The following TSHR variants were observed in gnomAD, a reference collection of about 807,000 sequenced individuals.
The protein encoded by TSHR is thyroid stimulating hormone receptor.
TSHR carries 51 observed loss-of-function variants against 64.1 expected under a neutral mutation model. The ratio of observed to expected loss-of-function variants is 0.80; its 90% CI spans 0.64 to 1.01. TSHR has a LOEUF of 1.01. Ranked by LOEUF, TSHR falls within the 50% of genes least tolerant of loss-of-function variation. The pLI is 0.00. For missense variants in TSHR, 877 were observed against 942.8 expected (o/e 0.93, Z 0.91); for synonymous variants, 361 against 361.9 (o/e 1.00, Z 0.03).
intron 1 of TSHR, chr14:80,993,114 A>G (rs1888829404): frequency 1.3e-5 from 2 of 152,218 alleles, no homozygotes; most frequent in South Asian, 2.1e-4. Context: ...GTCTTCAGTT[A>G]TTTGAAGGAG....
chr14:81,113,082 T>C (rs1424633459), intron 8 of TSHR, among the ~76,000 whole-genome samples: 1 of 152,140 alleles, frequency 6.6e-6, no homozygotes, highest in Admixed American at 6.5e-5. Flanking sequence ...ATGCCGGCTG[T>C]TGTGTTGAAA....
At chr14:80,970,984 G>A (rs987846990) in intron 1 of TSHR, among the ~76,000 whole-genome samples, 1 of 152,152 alleles carries the variant, frequency 6.6e-6, no homozygotes, top group Non-Finnish European at 1.5e-5. Flanking sequence ...ACAGGCACAT[G>A]CCACTACTGC....
At chr14:81,077,664 A>G (rs542740751) in intron 3 of TSHR, among the ~76,000 whole-genome samples, 1 of 152,266 alleles carries the variant, frequency 6.6e-6, no homozygotes, top group Admixed American at 6.5e-5. Flanking sequence ...TTTTAGTTGG[A>G]GTGTTTAATC....
At chr14:81,102,033 G>A (rs185660485) in intron 7 of TSHR, among the ~76,000 whole-genome samples, 23 of 152,090 alleles carry the variant, frequency 1.5e-4, no homozygotes, top group Admixed American at 1.3e-4. Flanking sequence ...TTAGCTGGGC[G>A]TGGTGGCGGG....
At chr14:81,088,052 C>G in intron 4 of TSHR, 24 bp downstream of exon 4, 1 of 1,577,974 alleles carries the variant, frequency 6.3e-7, no homozygotes. Flanking sequence ...CCTCTCCCAT[C>G]CTACTTTTCT....
chr14:81,079,937 TTTTGTTTGTTTG>T (rs36136362), intron 3 of TSHR, among the ~76,000 whole-genome samples: 27 of 149,768 alleles, frequency 1.8e-4, no homozygotes, highest in African/African-American at 5.7e-4. Flanking sequence ...AGTTTTTGGG[TTTTGTTTGTTTG>T]TTTGTTTGTT....
intron 8 of TSHR, among the ~76,000 whole-genome samples, chr14:81,123,365 A>G (rs1235237367): frequency 6.6e-6 from 1 of 152,228 alleles, no homozygotes; most frequent in Non-Finnish European, 1.5e-5. Flanking sequence ...TTTTGTCAAA[A>G]TCTCCATTAT....
Position 81,144,494 on chromosome 14 carries a change from G to A in TSHR, c.*141G>A, listed in dbSNP as rs1311953998. ...GATGTTTCAATGTTTCATGGGGCAA[G>A]AGTTTATCTCTGGAGAGTGATTAGT... On this transcript the variant is annotated 3_prime_UTR_variant, in exon 10 of 10. Transcript: ENST00000298171. The A allele has an allele frequency of 3.5e-6, 3 of 863,864 alleles. No individual in the cohort carries two copies. The highest frequency in any genetic ancestry group is 3.4e-5 in the African/African-American group (2 of 59,602). The allele number at this position is 863,864 out of a possible 1,614,324, so 53.5% of individuals were successfully genotyped here.
At chr14:81,042,807 A>G (rs1038391779) in intron 1 of TSHR, among the ~76,000 whole-genome samples, 1 of 152,288 alleles carries the variant, frequency 6.6e-6, no homozygotes, top group African/African-American at 2.4e-5. Context: ...TTCTCACAAC[A>G]AAGAAATGAT....
Position 81,062,236 on chromosome 14 carries a change from T to C in TSHR, c.242+17T>C, listed in dbSNP as rs988704114. The C allele has an allele frequency of 7.6e-6, 12 of 1,589,164 alleles. No homozygotes were observed. Among genetic ancestry groups the C allele is most frequent in the Non-Finnish European group, 9.5e-6 (11 of 1,159,844 alleles). ...TTCCAGAATGTAAGTTTTTTTAATA[T>C]AAAGAAAAGTTTGCATTTGTGATAT... On this transcript the variant is annotated intron_variant, in intron 2 of 9. Transcript: ENST00000298171.
intron 1 of TSHR, among the ~76,000 whole-genome samples, chr14:81,019,581 G>T (rs1035472965): frequency 6.6e-6 from 1 of 151,310 alleles, no homozygotes; most frequent in Non-Finnish European, 1.5e-5. Flanking sequence ...TCTACATTAG[G>T]TATTTCTCCT....
At chr14:80,986,296 T>C (rs1030403669) in intron 1 of TSHR, among the ~76,000 whole-genome samples, 2 of 152,220 alleles carry the variant, frequency 1.3e-5, no homozygotes, top group Middle Eastern at 3.4e-3. Flanking sequence ...AGAGAGCTGG[T>C]AAAAAATACA....
rs34040338 is a variant in TSHR, at chr14:81,044,673, A to ACAC, written c.171-17475_171-17474insCAC. On this transcript the variant is annotated intron_variant, in intron 1 of 9. Coordinates refer to ENST00000298171, the MANE Select transcript of TSHR (RefSeq NM_000369.5). ...ACTCTGTCTCAAAAAAAAAAAAAAAAACACACACACACATGCACAATGAGA... is the reference window on the plus strand; with the variant it reads ...ACTCTGTCTCAAAAAAAAAAAAAAAACACACACACACACACATGCACAATGAGA... Among the ~76,000 whole-genome samples the ACAC allele has an allele frequency of 1.9e-3, 268 of 137,484 alleles. 1 individual carries two copies. Among genetic ancestry groups the ACAC allele is most frequent in the Middle Eastern group, 3.8e-3 (1 of 264 alleles). The allele number at this position is 137,484 out of a possible 152,430, so 90.2% of individuals were successfully genotyped here.
intron 6 of TSHR, among the ~76,000 whole-genome samples, chr14:81,095,791 T>C (rs1889130013): frequency 6.6e-6 from 1 of 151,914 alleles, no homozygotes; most frequent in Non-Finnish European, 1.5e-5. Flanking sequence ...TTCACACCTG[T>C]AATCCCCAGT....
intron 1 of TSHR, among the ~76,000 whole-genome samples, chr14:81,019,497 A>G (rs189587891): frequency 6.9e-6 from 1 of 144,598 alleles, no homozygotes. Context: ...TCTGAGGTAC[A>G]TGTGCAGAAT....
At chr14:81,015,962 T>C (rs936741855) in intron 1 of TSHR, among the ~76,000 whole-genome samples, 19 of 152,210 alleles carry the variant, frequency 1.2e-4, no homozygotes, top group African/African-American at 4.6e-4. Context: ...ATTTCTTTCT[T>C]TTTTAAGACT....
chr14:81,080,257 G>A (rs114965460), intron 3 of TSHR, among the ~76,000 whole-genome samples: 1,733 of 152,188 alleles, frequency 0.011, 35 homozygotes, highest in African/African-American at 0.038. Flanking sequence ...TGGCCTATGT[G>A]AGTTTTTTAA....
At chr14:81,007,529 A>T (rs1889665013) in intron 1 of TSHR, among the ~76,000 whole-genome samples, 1 of 152,186 alleles carries the variant, frequency 6.6e-6, no homozygotes, top group Non-Finnish European at 1.5e-5. Flanking sequence ...GTGAAATGTC[A>T]TTCTCATCAC....
chr14:81,113,507 G>A (rs1454800973), intron 8 of TSHR, among the ~76,000 whole-genome samples: 1 of 152,164 alleles, frequency 6.6e-6, no homozygotes, highest in Non-Finnish European at 1.5e-5. Context: ...TACAGGTATA[G>A]AAGAAATCTC....
Sources: gnomAD v4.1 joint callset for allele counts (sites outside exome capture counted in the v4.1 genomes callset) on GRCh38, gnomAD v4.1.1 for gene constraint, MANE v1.5 for transcripts, NCBI Gene and HGNC (gene_info 2026-07-23, HGNC 2026-07-21) for gene names.